ENPP2: variants seen among roughly 807,000 people sequenced by gnomAD.
ENPP2 encodes ectonucleotide pyrophosphatase/phosphodiesterase 2.
Under a neutral mutation model 120.2 loss-of-function variants are expected in ENPP2, and 51 were observed. The ratio of observed to expected loss-of-function variants is 0.42; its 90% CI spans 0.34 to 0.54. The LOEUF is 0.54. Among genes scored for constraint, ENPP2 ranks in the 20% least tolerant of loss-of-function variants. The pLI, the probability that ENPP2 is intolerant of heterozygous loss-of-function variation, is 0.04. For missense variants in ENPP2, 920 were observed against 1,066.5 expected (o/e 0.86, Z 1.91); for synonymous variants, 365 against 366.4 (o/e 1.00, Z 0.04).
chr8:119,590,852 C>G (rs1813447085), intron 12 of ENPP2, among the ~76,000 whole-genome samples: 1 of 151,976 alleles, frequency 6.6e-6, no homozygotes, highest in African/African-American at 2.4e-5. Flanking sequence ...CTTGCAAGCA[C>G]TAGAAGGTTG....
chr8:119,616,592 A>T (rs1290022620), intron 7 of ENPP2, among the ~76,000 whole-genome samples: 1 of 152,204 alleles, frequency 6.6e-6, no homozygotes, highest in Non-Finnish European at 1.5e-5. Context: ...TGAGAAACTT[A>T]ATATGATTAT....
intron 1 of ENPP2, among the ~76,000 whole-genome samples, chr8:119,643,945 T>C (rs1034515148): frequency 3.9e-5 from 6 of 151,978 alleles, no homozygotes; most frequent in Non-Finnish European, 8.8e-5. Context: ...CAGGCAAAGA[T>C]CCTGTGTAAG....
At chr8:119,616,412 A>T in intron 7 of ENPP2, 28 bp from the exon 8 acceptor site, 4 of 1,517,394 alleles carry the variant, frequency 2.6e-6, no homozygotes, top group Non-Finnish European at 3.6e-6. Context: ...TTTATTGTTA[A>T]AATAACAATA....
At chr8:119,632,213 G>C (rs769713880) in intron 2 of ENPP2, among the ~76,000 whole-genome samples, 1 of 152,096 alleles carries the variant, frequency 6.6e-6, no homozygotes, top group Non-Finnish European at 1.5e-5. Context: ...ATTGAGAGGC[G>C]GGATGAAAAC....
chr8:119,573,768 G>A (rs112929499), intron 19 of ENPP2, among the ~76,000 whole-genome samples: 5 of 151,814 alleles, frequency 3.3e-5, no homozygotes, highest in African/African-American at 7.3e-5. Flanking sequence ...AAGATCGTGC[G>A]ACTGCACTCC....
intron 1 of ENPP2, among the ~76,000 whole-genome samples, chr8:119,644,865 CA>C (rs972600688): frequency 1.3e-5 from 2 of 151,754 alleles, no homozygotes; most frequent in African/African-American, 4.8e-5. Flanking sequence ...GCTAAGTGTC[CA>C]GATGAATGGA....
At chr8:119,569,744 G>GTGTGTGTGTGTGTA in intron 20 of ENPP2, among the ~76,000 whole-genome samples, 1 of 139,322 alleles carries the variant, frequency 7.2e-6, no homozygotes, top group South Asian at 2.3e-4. Context: ...CTATTTATCT[G>GTGTGTGTGTGTGTA]TGTGTGTGTG....
chr8:119,570,646 T>C, intron 20 of ENPP2, 59 bp downstream of exon 20: 1 of 889,862 alleles, frequency 1.1e-6, no homozygotes, highest in Non-Finnish European at 1.7e-6. Flanking sequence ...AAGGAATCAT[T>C]GTATTAACAT....
Position 119,564,910 on chromosome 8 carries a change from G to C in ENPP2, c.2177C>G (p.Ser726Trp). 1 of 1,612,726 alleles carries C rather than the reference G, an allele frequency of 6.2e-7. No homozygotes were observed. The change falls in exon 23 of 25, where the codon TCG becomes TGG. Residue 726 changes from serine (S) to tryptophan (W), a missense_variant. Coordinates refer to ENST00000075322, the MANE Select transcript of ENPP2 (RefSeq NM_001040092.3). ...FQRVLVKKYA[S>W]ERNGVNVISG... ...TATCACGTTAACTCCATTTCTTTCC[G>C]AAGCATATTTCTTCACCAATACCCT... is the stretch of plus-strand genomic sequence containing the variant.
chr8:119,663,682 A>T (rs1255408972), intron 1 of ENPP2, among the ~76,000 whole-genome samples: 1 of 152,196 alleles, frequency 6.6e-6, no homozygotes, highest in Non-Finnish European at 1.5e-5. Flanking sequence ...GTTAAAAACT[A>T]ATAACTCCCC....
intron 8 of ENPP2, among the ~76,000 whole-genome samples, chr8:119,612,815 G>C (rs184603020): frequency 1.3e-5 from 2 of 152,134 alleles, no homozygotes; most frequent in East Asian, 3.8e-4. Flanking sequence ...GCTTGAGCCC[G>C]AGAGGCTGAG....
At chr8:119,666,034 T>C (rs564627349) in intron 1 of ENPP2, among the ~76,000 whole-genome samples, 1 of 152,266 alleles carries the variant, frequency 6.6e-6, no homozygotes, top group South Asian at 2.1e-4. Context: ...TTTTGAAAAA[T>C]ATATAATGGC....
At chr8:119,672,915 G>A (rs1244050481) in intron 1 of ENPP2, among the ~76,000 whole-genome samples, 1 of 152,232 alleles carries the variant, frequency 6.6e-6, no homozygotes, top group Non-Finnish European at 1.5e-5. Flanking sequence ...AGAGCTTGCA[G>A]TGCCCTGCGG....
intron 11 of ENPP2, among the ~76,000 whole-genome samples, chr8:119,594,919 G>T (rs1412265254): frequency 6.6e-6 from 1 of 152,144 alleles, no homozygotes; most frequent in Non-Finnish European, 1.5e-5. Context: ...TTATTTCATT[G>T]GGAAATCAGG....
At chr8:119,593,621 C>T (rs1813689193) in intron 12 of ENPP2, 131 bp downstream of exon 12, 1 of 643,682 alleles carries the variant, frequency 1.6e-6, no homozygotes. Flanking sequence ...TGATTTCTAT[C>T]CCCATCTTAA....
intron 2 of ENPP2, among the ~76,000 whole-genome samples, chr8:119,635,357 C>T (rs945883130): frequency 2.0e-5 from 3 of 152,330 alleles, no homozygotes; most frequent in Non-Finnish European, 4.4e-5. Context: ...TATTCACAAG[C>T]TCACAAATTT....
chr8:119,634,075 C>T (rs1014058033), intron 2 of ENPP2, among the ~76,000 whole-genome samples: 26 of 151,900 alleles, frequency 1.7e-4, no homozygotes, highest in African/African-American at 5.6e-4. Flanking sequence ...CTCAGCTACT[C>T]GGGAGGCTGA....
At chr8:119,587,147 G>T in intron 13 of ENPP2, 72 bp from the exon 14 acceptor site, 1 of 1,240,562 alleles carries the variant, frequency 8.1e-7, no homozygotes, top group Non-Finnish European at 1.2e-6. Context: ...TTTGCAGCAA[G>T]ATACTCAATT....
chr8:119,639,664 G>T (rs1057307842), upstream of ENPP2, among the ~76,000 whole-genome samples: 2 of 152,144 alleles, frequency 1.3e-5, no homozygotes, highest in Non-Finnish European at 2.9e-5. Context: ...GATGGCATGG[G>T]AAGCTTTATT....
Sources: allele counts gnomAD v4.1 joint callset (sites outside exome capture counted in the v4.1 genomes callset), GRCh38; gene constraint gnomAD v4.1.1; transcripts MANE v1.5; gene names NCBI Gene and HGNC (gene_info 2026-07-23, HGNC 2026-07-21).